The following RAB3B variants were observed in gnomAD, a reference collection of about 807,000 sequenced individuals.
RAB3B encodes the protein ras-related protein Rab-3B.
A neutral mutation model predicts 20.5 loss-of-function variants in RAB3B; 11 were observed. The ratio of observed to expected loss-of-function variants is 0.54; its 90% CI spans 0.34 to 0.89. RAB3B has a LOEUF of 0.89. Among genes scored for constraint, RAB3B ranks in the 40% least tolerant of loss-of-function variants. RAB3B has a pLI of 0.02. For missense variants in RAB3B, 225 were observed against 280.9 expected (o/e 0.80, Z 1.42); for synonymous variants, 99 against 106.3 (o/e 0.93, Z 0.42).
At chr1:51,920,272 C>T (rs574808775) in intron 4 of RAB3B, among the ~76,000 whole-genome samples, 158 bp from the exon 5 acceptor site, 12 of 152,270 alleles carry the variant, frequency 7.9e-5, no homozygotes, top group East Asian at 3.9e-4. Flanking sequence ...TTCAAGGAGA[C>T]GGTACAGGGC....
Position 51,912,554 on chromosome 1 carries a change from A to AAATATATATAT in RAB3B, c.*7372_*7373insATATATATATT, listed in dbSNP as rs1491223921. On this transcript the variant is annotated 3_prime_UTR_variant, in exon 5 of 5. Transcript: ENST00000371655. ...AGACCGTCTCTATTAAAAAAAAAAA[A>AAATATATATAT]ATATATATATATATATATATATATA... is the stretch of plus-strand genomic sequence containing the variant. 1.9e-4 allele frequency: 3 copies of AAATATATATAT among 15,502 alleles called. No homozygotes were observed. Among genetic ancestry groups the AAATATATATAT allele is most frequent in the African/African-American group, 1.7e-4 (1 of 5,738 alleles). The allele number at this position is 15,502 out of a possible 1,614,324, so 1.0% of individuals were successfully genotyped here.
intron 1 of RAB3B, among the ~76,000 whole-genome samples, chr1:51,984,641 T>A (rs900802497): frequency 6.6e-6 from 1 of 152,166 alleles, no homozygotes; most frequent in Non-Finnish European, 1.5e-5. Context: ...CTTTAGGAAG[T>A]TGTTTTTAAG....
intron 4 of RAB3B, among the ~76,000 whole-genome samples, chr1:51,924,191 C>T (rs1055982548): frequency 2.6e-5 from 4 of 152,088 alleles, no homozygotes; most frequent in African/African-American, 9.7e-5. Flanking sequence ...TCAATGAGCA[C>T]GGTGCTGGGC....
intron 2 of RAB3B, among the ~76,000 whole-genome samples, chr1:51,939,237 C>T (rs1684455685): frequency 6.6e-6 from 1 of 152,202 alleles, no homozygotes; most frequent in Non-Finnish European, 1.5e-5. Context: ...ATGTGTGATG[C>T]TTAAGCATAT....
chr1:51,966,013 T>A (rs1557973925), intron 2 of RAB3B, among the ~76,000 whole-genome samples: 2 of 152,228 alleles, frequency 1.3e-5, no homozygotes, highest in Admixed American at 1.3e-4. Context: ...ATGTCTGCAA[T>A]GCATTTCAAT....
chr1:51,941,234 G>A (rs184026416), intron 2 of RAB3B, among the ~76,000 whole-genome samples: 83 of 152,272 alleles, frequency 5.5e-4, no homozygotes, highest in South Asian at 8.3e-4. Flanking sequence ...CTTCAGGAAC[G>A]GTAGGGGATG....
At chr1:51,967,042 G>A (rs543570118) in intron 2 of RAB3B, among the ~76,000 whole-genome samples, 34 of 152,344 alleles carry the variant, frequency 2.2e-4, no homozygotes, top group African/African-American at 7.7e-4. Flanking sequence ...GCTGGGCACA[G>A]TGGCTCACGC....
intron 2 of RAB3B, among the ~76,000 whole-genome samples, chr1:51,958,829 G>A (rs1684747180): frequency 6.6e-6 from 1 of 152,220 alleles, no homozygotes; most frequent in Non-Finnish European, 1.5e-5. Flanking sequence ...GATAGGGGTG[G>A]GGGTGGCACA....
intron 2 of RAB3B, among the ~76,000 whole-genome samples, chr1:51,973,745 C>T (rs997262661): frequency 3.9e-5 from 6 of 152,164 alleles, no homozygotes; most frequent in African/African-American, 1.2e-4. Context: ...AATCCACTTA[C>T]CCAGGCACAA....
chr1:51,957,852 G>A (rs536547813), intron 2 of RAB3B, among the ~76,000 whole-genome samples: 51 of 152,308 alleles, frequency 3.3e-4, no homozygotes, highest in Middle Eastern at 3.4e-3. Flanking sequence ...TTAAGCCTCC[G>A]TTGGTGGTAA....
chr1:51,955,534 G>GT (rs1684696506), intron 2 of RAB3B, among the ~76,000 whole-genome samples: 1 of 152,046 alleles, frequency 6.6e-6, no homozygotes, highest in East Asian at 1.9e-4. Context: ...TGCGATTACA[G>GT]GTATGTGTCA....
intron 1 of RAB3B, among the ~76,000 whole-genome samples, chr1:51,981,013 A>AATTATT (rs1373649694): frequency 1.3e-5 from 2 of 152,120 alleles, no homozygotes; most frequent in African/African-American, 4.8e-5. Flanking sequence ...GCTGTAGCTC[A>AATTATT]ATTATTATTA....
At chr1:51,970,072 A>AAC (rs1684907299) in intron 2 of RAB3B, among the ~76,000 whole-genome samples, 1 of 151,616 alleles carries the variant, frequency 6.6e-6, no homozygotes, top group African/African-American at 2.4e-5. Context: ...CCTATCTCAA[A>AAC]AAAAAAAAAC....
At chr1:51,946,706 A>G (rs918757381) in intron 2 of RAB3B, among the ~76,000 whole-genome samples, 1 of 152,234 alleles carries the variant, frequency 6.6e-6, no homozygotes, top group Non-Finnish European at 1.5e-5. Flanking sequence ...TAAGTGCTTT[A>G]TATATGAGAC....
chr1:51,948,756 C>T (rs746702945), intron 2 of RAB3B, among the ~76,000 whole-genome samples: 2 of 152,132 alleles, frequency 1.3e-5, no homozygotes, highest in Admixed American at 6.5e-5. Flanking sequence ...CTCCTTTGTA[C>T]CACTCACTCC....
chr1:51,964,319 A>AGTTGG lies in RAB3B; in HGVS notation c.228+12570_228+12571insCCAAC, dbSNP rs1243790009. Among the ~76,000 whole-genome samples, 18 of 152,236 alleles carry AGTTGG rather than the reference A, an allele frequency of 1.2e-4. No homozygotes were observed. In the East Asian group the frequency reaches 3.3e-3, roughly 28 times the overall value. On this transcript the variant is annotated intron_variant, in intron 2 of 4. Coordinates refer to ENST00000371655, the MANE Select transcript of RAB3B (RefSeq NM_002867.4). The stretch of plus-strand genomic sequence containing the variant: ...ATCTTCACTTGGCTGCCAGGACACC[A>AGTTGG]CACATTCTCATTTCAGTTGCTCTTT...
chr1:51,988,362 T>A (rs142961433), intron 1 of RAB3B, among the ~76,000 whole-genome samples: 243 of 152,340 alleles, frequency 1.6e-3, no homozygotes, highest in African/African-American at 5.7e-3. Flanking sequence ...AGAAACAATA[T>A]CACAATAGCT....
Position 51,916,934 on chromosome 1 carries a change from C to G in RAB3B, c.*2993G>C, listed in dbSNP as rs1039346886. Reference sequence around the variant, plus strand: ...AATCCTAATGTGGCTTTAACACTCTCTTGGTATGTGATCCAAGTCTCGTAA... The same window carrying G: ...AATCCTAATGTGGCTTTAACACTCTGTTGGTATGTGATCCAAGTCTCGTAA... On this transcript the variant is annotated 3_prime_UTR_variant, in exon 5 of 5. Coordinates refer to ENST00000371655, the MANE Select transcript of RAB3B (RefSeq NM_002867.4). The G allele has an allele frequency of 6.6e-6, 1 of 152,190 alleles. No homozygotes were observed. Among genetic ancestry groups the G allele is most frequent in the Non-Finnish European group, 1.5e-5 (1 of 68,030 alleles). 9.4% of individuals were successfully genotyped at this position (152,190 alleles called of 1,614,324 possible). A position where few individuals can be genotyped will look rare whatever the true frequency, so the allele number is the denominator to read the frequency against.
intron 1 of RAB3B, among the ~76,000 whole-genome samples, chr1:51,988,587 T>C (rs1255923147): frequency 6.6e-6 from 1 of 152,206 alleles, no homozygotes; most frequent in Middle Eastern, 3.2e-3. Context: ...ACAAAGTTCT[T>C]TTCACCCACA....
Sources: gnomAD v4.1 joint callset for allele counts (sites outside exome capture counted in the v4.1 genomes callset) on GRCh38, gnomAD v4.1.1 for gene constraint, MANE v1.5 for transcripts, NCBI Gene and HGNC (gene_info 2026-07-23, HGNC 2026-07-21) for gene names.